Variants in PTPN7 observed in about 807,000 individuals in gnomAD.
PTPN7 encodes the protein tyrosine-protein phosphatase non-receptor type 7.
A neutral mutation model predicts 50.3 loss-of-function variants in PTPN7; 33 were observed. The ratio of observed to expected loss-of-function variants is 0.66; its 90% CI spans 0.50 to 0.88. The LOEUF (loss-of-function observed/expected upper bound fraction) is 0.88. Ranked by LOEUF, PTPN7 falls within the 40% of genes least tolerant of loss-of-function variation. PTPN7 has a pLI of 0.00. For missense variants in PTPN7, 412 were observed against 475.4 expected (o/e 0.87, Z 1.24); for synonymous variants, 185 against 186.6 (o/e 0.99, Z 0.07).
At chr1:202,156,888 C>T (rs1484169836) in intron 4 of PTPN7, among the ~76,000 whole-genome samples, 1 of 152,174 alleles carries the variant, frequency 6.6e-6, no homozygotes, top group Non-Finnish European at 1.5e-5. Context: ...GGTGCTTGCT[C>T]CGGGTCTGCC....
intron 4 of PTPN7, among the ~76,000 whole-genome samples, chr1:202,156,746 GAGGGTT>G (rs892541875): frequency 2.0e-5 from 3 of 152,334 alleles, no homozygotes; most frequent in African/African-American, 7.2e-5. Flanking sequence ...GACACTCCAG[GAGGGTT>G]AGCAGGAGAC....
At chr1:202,155,658 A>G in intron 4 of PTPN7, 49 bp from the exon 5 acceptor site, 2 of 1,463,282 alleles carry the variant, frequency 1.4e-6, no homozygotes, top group East Asian at 2.3e-5. Context: ...GTGACCAACT[A>G]ACACAGACTC....
intron 8 of PTPN7, 95 bp from the exon 9 acceptor site, chr1:202,150,519 G>A: frequency 1.0e-6 from 1 of 960,442 alleles, no homozygotes; most frequent in Non-Finnish European, 1.6e-6. Context: ...GGGACCTGCA[G>A]GTGCTATATT....
Position 202,153,734 on chromosome 1 carries a change from G to C in PTPN7, c.708C>G (p.Leu236=). The C allele has an allele frequency of 6.2e-7, 1 of 1,613,664 alleles. No individual in the cohort carries two copies. Residue 236 remains leucine (L), a synonymous_variant, in exon 7 of 10, where the codon CTC becomes CTG. Transcript: ENST00000691036. ...TCCGGGGGGGTGGTACCTGGATGGT[G>C]AGCTGCCGCACAGTGTATTCTGGGC... is the stretch of plus-strand genomic sequence containing the variant. ...KECPEYTVRQ[L]TIQYQEERRS...
rs780676570 is a variant in PTPN7 at position 202,158,169 on chromosome 1, C to A, written c.255G>T (p.Trp85Cys). The A allele has an allele frequency of 8.7e-6, 14 of 1,610,454 alleles. No homozygotes were observed. The highest frequency in any genetic ancestry group is 1.7e-5 in the Admixed American group (1 of 59,088). The change falls in exon 3 of 10, where the codon TGG (tryptophan) becomes TGT (cysteine). Residue 85 changes from tryptophan (W) to cysteine (C), a missense_variant. Coordinates refer to ENST00000691036, the MANE Select transcript of PTPN7 (RefSeq NM_002832.4). The stretch of plus-strand genomic sequence containing the variant: ...GGCTGGGTGGCTGGCGCTGAAGGGC[C>A]CAGCGGGTAAGGGGGTGTCCAGCAG... ...LRTAGHPLTR[W>C]ALQRQPPSPK...
chr1:202,161,459 C>G (rs1657366159), upstream of PTPN7: 2 of 1,289,674 alleles, frequency 1.6e-6, no homozygotes, highest in African/African-American at 3.0e-5. Context: ...TGCCTGGATG[C>G]CTGGGACCTG....
intron 8 of PTPN7, among the ~76,000 whole-genome samples, chr1:202,151,382 T>C (rs899481865): frequency 3.3e-5 from 5 of 152,244 alleles, no homozygotes; most frequent in African/African-American, 4.8e-5. Context: ...TTCACTTGGC[T>C]AATTCACCTT....
In PTPN7 at chr1:202,156,712, C is replaced by T. The variant is rs371327774; in HGVS notation, c.391+1027G>A. On this transcript the variant is annotated intron_variant, in intron 4 of 9. Transcript: ENST00000691036. ...TGGCCTGGAATAGCGCTAATAGCAC[C>T]TTGATCCGCCCATGCAGGCAGAGGA... Among the ~76,000 whole-genome samples, 10 of 152,304 alleles carry T rather than the reference C, an allele frequency of 6.6e-5. No individual in the cohort carries two copies. The East Asian group carries it at 1.9e-3, about 29-fold the overall frequency.
chr1:202,153,566 G>C (rs1256495887), intron 7 of PTPN7, among the ~76,000 whole-genome samples, 159 bp downstream of exon 7: 3 of 152,176 alleles, frequency 2.0e-5, no homozygotes, highest in African/African-American at 7.2e-5. Flanking sequence ...TAGACTAGAG[G>C]CTGAGGACAG....
chr1:202,153,048 G>C (rs980955498), intron 7 of PTPN7, among the ~76,000 whole-genome samples: 1 of 152,214 alleles, frequency 6.6e-6, no homozygotes, highest in Admixed American at 6.5e-5. Flanking sequence ...GGAGGAGAAT[G>C]AGTTGATAGA....
Position 202,159,192 on chromosome 1 carries a change from T to G in PTPN7, c.122+89A>C. ...CAACTGAGGGCCCTCTGGACCCTGC[T>G]GTCAGAGCTGGAGGGGCAGATGGAA... On this transcript the variant is annotated intron_variant, in intron 2 of 9. Transcript: ENST00000691036. This position sits in a 1 kb window ranked among gnomAD's most constrained non-coding sequence, Gnocchi z 4.6. The G allele has an allele frequency of 7.5e-7, 1 of 1,336,804 alleles. No individual in the cohort carries two copies. Among genetic ancestry groups the G allele is most frequent in the South Asian group, 1.3e-5 (1 of 78,966 alleles). The allele number at this position is 1,336,804 out of a possible 1,614,324, so 82.8% of individuals were successfully genotyped here.
intron 4 of PTPN7, among the ~76,000 whole-genome samples, chr1:202,155,989 GTCT>G (rs1656614880): frequency 6.6e-6 from 1 of 152,102 alleles, no homozygotes; most frequent in Admixed American, 6.6e-5. Flanking sequence ...GCCCAAGCTG[GTCT>G]TGAATTTCTG....
At chr1:202,160,927 G>C, upstream of PTPN7, 1 of 1,434,916 alleles carries the variant, frequency 7.0e-7, no homozygotes, top group Non-Finnish European at 9.1e-7. The surrounding 1 kb of genome is among the most constrained non-coding windows in gnomAD (Gnocchi z 4.8). Context: ...GCTCTGTGCT[G>C]TCCCACAAAG....
Position 202,148,543 on chromosome 1 carries a change from C to G in PTPN7, c.*63G>C. Reference sequence around the variant, plus strand: ...CCCCCAGATCACTCGGCCCACTTTCCCCAGACCCACCTTCCCAGGCTTGAG... The same window carrying G: ...CCCCCAGATCACTCGGCCCACTTTCGCCAGACCCACCTTCCCAGGCTTGAG... On this transcript the variant is annotated 3_prime_UTR_variant, in exon 10 of 10. Transcript: ENST00000691036. 1 of 1,499,556 alleles carries G rather than the reference C, an allele frequency of 6.7e-7. No individual in the cohort carries two copies. The highest frequency in any genetic ancestry group is 9.2e-7 in the Non-Finnish European group (1 of 1,085,290). The allele number at this position is 1,499,556 out of a possible 1,614,324, so 92.9% of individuals were successfully genotyped here.
At chr1:202,157,704 T>C (rs1002879762) in intron 4 of PTPN7, 35 bp downstream of exon 4, 1 of 1,572,166 alleles carries the variant, frequency 6.4e-7, no homozygotes, top group Non-Finnish European at 8.8e-7. Context: ...CCAGGGACTG[T>C]ACCCGACTCC....
At chr1:202,150,242 A>T in intron 9 of PTPN7, 69 bp downstream of exon 9, 5 of 1,229,446 alleles carry the variant, frequency 4.1e-6, no homozygotes, top group Non-Finnish European at 5.9e-6. Flanking sequence ...GCCTAGCAGA[A>T]CTCTGGGGCC....
Position 202,160,478 on chromosome 1 carries a change from T to C in PTPN7, c.-53+67A>G. 1 of 1,458,022 alleles carries C rather than the reference T, an allele frequency of 6.9e-7. No individual in the cohort carries two copies. The highest frequency in any genetic ancestry group is 9.3e-7 in the Non-Finnish European group (1 of 1,077,968). The allele number at this position is 1,458,022 out of a possible 1,614,324, so 90.3% of individuals were successfully genotyped here. ...CCCGCACTCCCTCCTAGAGATGCCC[T>C]CTTATATCCCCGGAGTTCGCACCCC... On this transcript the variant is annotated intron_variant, in intron 1 of 9. Coordinates refer to ENST00000691036, the MANE Select transcript of PTPN7 (RefSeq NM_002832.4). This position sits in a 1 kb window ranked among gnomAD's most constrained non-coding sequence, Gnocchi z 4.8.
At position 202,150,437 on chromosome 1, in the gene PTPN7, A is replaced by G. The variant is rs763746948; in HGVS notation, c.876-13T>C. On this transcript the variant is annotated splice_polypyrimidine_tract_variant and intron_variant, in intron 8 of 9. Transcript: ENST00000691036. ...GCCAATCCCTGCACTGGAGATAGCC[A>G]GGGAGGGGACAGGGAGGTCATGGGA... 3.1e-6 allele frequency: 5 copies of G among 1,596,702 alleles called. No homozygotes were observed. The highest frequency in any genetic ancestry group is 1.7e-5 in the Admixed American group (1 of 58,982).
intron 8 of PTPN7, among the ~76,000 whole-genome samples, chr1:202,150,881 C>T (rs6687406): frequency 0.021 from 3,141 of 152,204 alleles, 115 homozygotes; most frequent in African/African-American, 0.072. Flanking sequence ...GTCTTCTCTC[C>T]ACTCTGTTCT....
Sources: allele counts gnomAD v4.1 joint callset (sites outside exome capture counted in the v4.1 genomes callset), GRCh38; gene constraint gnomAD v4.1.1; non-coding constraint Gnocchi (gnomAD v3.1); transcripts MANE v1.5; gene names NCBI Gene and HGNC (gene_info 2026-07-23, HGNC 2026-07-21).